Variants in SLC49A4 observed in about 807,000 individuals in gnomAD.
The protein encoded by SLC49A4 is disrupted in renal cancer protein 2.
Under a neutral mutation model 50.6 loss-of-function variants are expected in SLC49A4, and 36 were observed. The observed-to-expected ratio is 0.71, with a 90% CI of 0.55 to 0.94. SLC49A4 has a LOEUF of 0.94. Ranked by LOEUF, SLC49A4 falls within the 40% of genes least tolerant of loss-of-function variation. The probability of loss-of-function intolerance (pLI) is 0.00; values close to 1 mark genes in which losing one functional copy is unlikely to be tolerated. For missense variants in SLC49A4, 503 were observed against 605.7 expected, an observed-to-expected ratio of 0.83 and a Z score of 1.78; for synonymous variants, 248 against 241.2, an observed-to-expected ratio of 1.03 and a Z score of -0.26.
At chr3:122,838,427 A>G (rs1014739602) in intron 4 of SLC49A4, among the ~76,000 whole-genome samples, 1 of 152,050 alleles carries the variant, frequency 6.6e-6, no homozygotes, top group African/African-American at 2.4e-5. Flanking sequence ...GAAGCTGGAA[A>G]CCATCATTCT....
chr3:122,819,343 A>T (rs1280899263), intron 2 of SLC49A4, among the ~76,000 whole-genome samples: 1 of 152,132 alleles, frequency 6.6e-6, no homozygotes, highest in Non-Finnish European at 1.5e-5. Context: ...ATGGTTAATA[A>T]ATTTAGTTAA....
chr3:122,806,752 A>G, intron 1 of SLC49A4, 105 bp from the exon 2 acceptor site: 1 of 699,542 alleles, frequency 1.4e-6, no homozygotes, highest in Non-Finnish European at 2.5e-6. Flanking sequence ...AAAAGCCATA[A>G]TATTAGCATA....
chr3:122,801,562 A>C (rs1310594559), intron 1 of SLC49A4, among the ~76,000 whole-genome samples: 1 of 152,100 alleles, frequency 6.6e-6, no homozygotes, highest in Non-Finnish European at 1.5e-5. Flanking sequence ...GCGCCATTAC[A>C]CTCCAGATGA....
At chr3:122,859,252 C>T (rs906003872) in intron 6 of SLC49A4, among the ~76,000 whole-genome samples, 1 of 152,030 alleles carries the variant, frequency 6.6e-6, no homozygotes, top group Non-Finnish European at 1.5e-5. Context: ...GGAACAAGTA[C>T]GGAAGCTACA....
At chr3:122,797,842 A>G (rs1382955351) in intron 1 of SLC49A4, among the ~76,000 whole-genome samples, 2 of 152,058 alleles carry the variant, frequency 1.3e-5, no homozygotes, top group East Asian at 3.9e-4. Flanking sequence ...TTAGCCAGAC[A>G]TGTTGGCATG....
intron 2 of SLC49A4, 96 bp from the exon 3 acceptor site, chr3:122,826,703 AT>A: frequency 8.3e-7 from 1 of 1,211,014 alleles, no homozygotes; most frequent in Non-Finnish European, 1.2e-6. Flanking sequence ...ATGTATACTT[AT>A]TGCCATAGTT....
chr3:122,852,680 C>T (rs1028709973), intron 5 of SLC49A4, among the ~76,000 whole-genome samples: 1 of 152,162 alleles, frequency 6.6e-6, no homozygotes, highest in African/African-American at 2.4e-5. Flanking sequence ...TCCTCCTGCT[C>T]TTAGGTACAG....
chr3:122,835,772 G>A (rs1389487810), intron 4 of SLC49A4, among the ~76,000 whole-genome samples: 1 of 152,148 alleles, frequency 6.6e-6, no homozygotes, highest in African/African-American at 2.4e-5. Context: ...GCAACTGAAA[G>A]AAATAAAGGG....
intron 7 of SLC49A4, among the ~76,000 whole-genome samples, chr3:122,865,006 T>C (rs1285566264): frequency 6.6e-6 from 1 of 152,146 alleles, no homozygotes; most frequent in Non-Finnish European, 1.5e-5. Flanking sequence ...AGATCCTGTC[T>C]CTTAAAAAAA....
chr3:122,864,332 A>C (rs1937090237), intron 7 of SLC49A4, among the ~76,000 whole-genome samples: 1 of 152,248 alleles, frequency 6.6e-6, no homozygotes, highest in African/African-American at 2.4e-5. Context: ...AAAATCTTGA[A>C]GTTTATGCAA....
At chr3:122,852,652 G>A (rs1936940502) in intron 5 of SLC49A4, among the ~76,000 whole-genome samples, 1 of 152,164 alleles carries the variant, frequency 6.6e-6, no homozygotes, top group African/African-American at 2.4e-5. Flanking sequence ...TCCCTCAGGA[G>A]GCTGTTCCAT....
rs147611410 is a variant in SLC49A4 at position 122,827,044 on chromosome 3, A to G, written c.682A>G (p.Ile228Val). 1.4e-4 allele frequency: 225 copies of G among 1,612,572 alleles called. No homozygotes were observed. The African/African-American group carries it at 2.7e-3, about 19-fold the overall frequency. Residue 228 changes from isoleucine to valine, a missense_variant, in exon 3 of 9, where the codon ATA becomes GTA. Ile to Val is a conservative substitution (Grantham distance 29, BLOSUM62 3). Coordinates refer to ENST00000261038, the MANE Select transcript of SLC49A4 (RefSeq NM_032839.3). ...CAGCAGGGCGCATATTAAAGATCGC[A>G]TAGAGGCTGTGTTATATGCAGGTAA... ...ESSRAHIKDRIEAVLYAEFGV... is the reference protein window; with the variant it reads ...ESSRAHIKDRVEAVLYAEFGV...
At chr3:122,870,319 C>T (rs965331662) in intron 7 of SLC49A4, among the ~76,000 whole-genome samples, 1 of 151,622 alleles carries the variant, frequency 6.6e-6, no homozygotes, top group African/African-American at 2.4e-5. Flanking sequence ...GGTTCTCTGT[C>T]CTCTGACTAC....
At chr3:122,842,269 G>C (rs1046453848) in intron 4 of SLC49A4, among the ~76,000 whole-genome samples, 1 of 151,818 alleles carries the variant, frequency 6.6e-6, no homozygotes. Context: ...GGCGGATCAC[G>C]AGGTCAGGAG....
chr3:122,872,355 C>A (rs1043145972), intron 7 of SLC49A4, 60 bp from the exon 8 acceptor site: 2 of 1,384,824 alleles, frequency 1.4e-6, no homozygotes, highest in Non-Finnish European at 1.0e-6. Context: ...CCCCGAAGAT[C>A]TATCTGATAT....
chr3:122,808,024 G>A (rs1414227558), intron 2 of SLC49A4, among the ~76,000 whole-genome samples: 2 of 152,110 alleles, frequency 1.3e-5, no homozygotes, highest in Non-Finnish European at 2.9e-5. Flanking sequence ...CCAAGCTGAA[G>A]TCATTCTTTT....
intron 2 of SLC49A4, among the ~76,000 whole-genome samples, chr3:122,820,914 G>C (rs1371221098): frequency 6.6e-6 from 1 of 152,234 alleles, no homozygotes; most frequent in African/African-American, 2.4e-5. Flanking sequence ...TGGTTTGGCT[G>C]TGTCCCCACC....
chr3:122,805,293 A>G (rs973443926), intron 1 of SLC49A4, among the ~76,000 whole-genome samples: 8 of 152,206 alleles, frequency 5.3e-5, no homozygotes, highest in African/African-American at 9.7e-5. Flanking sequence ...GGTAAATTGT[A>G]TTAATCATAT....
intron 1 of SLC49A4, among the ~76,000 whole-genome samples, chr3:122,806,628 G>A (rs968072884): frequency 2.0e-5 from 3 of 151,598 alleles, no homozygotes; most frequent in Admixed American, 6.6e-5. Context: ...TGCCCACCTC[G>A]GCCTCTCAAA....
Sources: allele counts gnomAD v4.1 joint callset (sites outside exome capture counted in the v4.1 genomes callset), GRCh38; gene constraint gnomAD v4.1.1; transcripts MANE v1.5; gene names NCBI Gene and HGNC (gene_info 2026-07-23, HGNC 2026-07-21).